The following ANKRD30B variants were observed in gnomAD, a reference collection of about 807,000 sequenced individuals.
ANKRD30B encodes ankyrin repeat domain-containing protein 30B.
ANKRD30B carries 144 observed loss-of-function variants against 202.2 expected under a neutral mutation model. The observed-to-expected ratio is 0.71, with a 90% CI of 0.62 to 0.82. The LOEUF is 0.82. Ranked by LOEUF, ANKRD30B falls within the 40% of genes least tolerant of loss-of-function variation. The pLI is 0.00. For missense variants in ANKRD30B, 1,487 were observed against 1,669.1 expected (o/e 0.89, Z 1.90); for synonymous variants, 508 against 561.3 (o/e 0.91, Z 1.34).
chr18:14,874,398 G>A, the ANKRD30B span, among the ~76,000 whole-genome samples: 4 of 152,236 alleles, frequency 2.6e-5, no homozygotes, highest in East Asian at 1.9e-4. Flanking sequence ...TGAGGCCTTA[G>A]CAATCGCTGG....
At chr18:14,759,105 C>G (rs1914854516) in intron 5 of ANKRD30B, 2 of 152,184 alleles carry the variant, frequency 1.3e-5, no homozygotes, top group Non-Finnish European at 2.9e-5. Flanking sequence ...AGACTTCACT[C>G]TATCTCAAGT....
At chr18:14,861,684 C>T in the ANKRD30B span, among the ~76,000 whole-genome samples, 1 of 150,940 alleles carries the variant, frequency 6.6e-6, no homozygotes, top group Admixed American at 6.6e-5. Flanking sequence ...TGGAGGACTT[C>T]AACACCCCAC....
chr18:14,923,710 G>T, the ANKRD30B span, among the ~76,000 whole-genome samples: 1 of 152,338 alleles, frequency 6.6e-6, no homozygotes, highest in South Asian at 2.1e-4. Context: ...CCAGTGATGT[G>T]CTGGCTTCAG....
chr18:14,755,056 G>A, intron 4 of ANKRD30B, 51 bp downstream of exon 4: 2 of 1,020,734 alleles, frequency 2.0e-6, no homozygotes, highest in Non-Finnish European at 2.7e-6. Context: ...GTGTTCTAGA[G>A]TAATAATGCT....
intron 32 of ANKRD30B, chr18:14,825,203 C>T (rs1970610506): frequency 6.6e-6 from 1 of 152,134 alleles, no homozygotes; most frequent in African/African-American, 2.4e-5. Flanking sequence ...CCATCACGAT[C>T]CTTTTGCATA....
intron 6 of ANKRD30B, among the ~76,000 whole-genome samples, chr18:14,763,356 C>T (rs1915560626): frequency 6.6e-6 from 1 of 152,036 alleles, no homozygotes; most frequent in Non-Finnish European, 1.5e-5. Flanking sequence ...TGAGACTAGC[C>T]TGACTAACAT....
rs1970547769 is a variant in ANKRD30B at position 14,823,661 on chromosome 18, TTCC to T, written c.2743+985_2743+987del. On this transcript the variant is annotated intron_variant, in intron 32 of 43. Coordinates refer to ENST00000690538, the MANE Select transcript of ANKRD30B (RefSeq NM_001367607.2). ...CAGCCTGAATTAGCTTTTGTTGTCA[TTCC>T]CATGCATGTTTAAAATATGTTACAA... 2.0e-5 allele frequency among the ~76,000 whole-genome samples: 3 copies of T among 152,298 alleles called. No homozygotes were observed. In the South Asian group the frequency reaches 6.2e-4, roughly 32 times the overall value.
chr18:14,831,834 A>T (rs1970958824), intron 34 of ANKRD30B, among the ~76,000 whole-genome samples: 2 of 152,182 alleles, frequency 1.3e-5, no homozygotes, highest in Admixed American at 6.5e-5. Flanking sequence ...GACTTTTAAA[A>T]TTATTCTATT....
chr18:14,796,531 A>C, intron 18 of ANKRD30B, 116 bp downstream of exon 18: 1 of 1,258,210 alleles, frequency 7.9e-7, no homozygotes, highest in Non-Finnish European at 1.1e-6. Flanking sequence ...GGAAAATTTG[A>C]AACAAATAAT....
At chr18:14,891,162 TGTGATTGG>T in the ANKRD30B span, among the ~76,000 whole-genome samples, 6 of 152,180 alleles carry the variant, frequency 3.9e-5, no homozygotes, top group African/African-American at 1.4e-4. Flanking sequence ...CAATTATCTG[TGTGATTGG>T]GCCTTCAGAA....
chr18:14,922,260 C>T, the ANKRD30B span, among the ~76,000 whole-genome samples: 1 of 152,070 alleles, frequency 6.6e-6, no homozygotes, highest in South Asian at 2.1e-4. Context: ...TTTACACCAG[C>T]CCTAGCCAGA....
intron 7 of ANKRD30B, among the ~76,000 whole-genome samples, chr18:14,768,710 C>G (rs1410923166): frequency 2.0e-5 from 3 of 152,134 alleles, no homozygotes; most frequent in Non-Finnish European, 4.4e-5. Context: ...GTGTTTCTTT[C>G]TACACATAGA....
intron 16 of ANKRD30B, among the ~76,000 whole-genome samples, chr18:14,792,889 A>T (rs904019157): frequency 6.6e-6 from 1 of 152,108 alleles, no homozygotes; most frequent in Non-Finnish European, 1.5e-5. Context: ...TGATATACCA[A>T]ACCAGACTAA....
At chr18:14,791,691 T>A (rs539420413) in intron 16 of ANKRD30B, among the ~76,000 whole-genome samples, 200 bp downstream of exon 16, 9 of 152,126 alleles carry the variant, frequency 5.9e-5, no homozygotes, top group Admixed American at 5.2e-4. Context: ...AGGAACTGAA[T>A]TATTAGTTTG....
At chr18:14,805,749 T>C in intron 24 of ANKRD30B, among the ~76,000 whole-genome samples, 1 of 150,858 alleles carries the variant, frequency 6.6e-6, no homozygotes, top group Non-Finnish European at 1.5e-5. Context: ...GCATTTATTT[T>C]CTCAGTGTCA....
At chr18:14,866,983 G>A in the ANKRD30B span, among the ~76,000 whole-genome samples, 4 of 148,510 alleles carry the variant, frequency 2.7e-5, no homozygotes, top group South Asian at 4.3e-4. Flanking sequence ...CAGTCCGGGG[G>A]TGCTTTAGGG....
the ANKRD30B span, among the ~76,000 whole-genome samples, chr18:14,922,882 G>A: frequency 0.52 from 78,770 of 151,834 alleles, 20,685 homozygotes; most frequent in African/African-American, 0.58. Flanking sequence ...CTTGACAAGG[G>A]TAGAGGAAAG....
the ANKRD30B span, among the ~76,000 whole-genome samples, chr18:14,874,307 T>G: frequency 4.0e-4 from 61 of 152,252 alleles, no homozygotes; most frequent in African/African-American, 1.4e-3. Flanking sequence ...TCACGTTAAT[T>G]ATTATTATTA....
chr18:14,851,282 C>T (rs371358912), intron 41 of ANKRD30B, among the ~76,000 whole-genome samples: 12 of 142,748 alleles, frequency 8.4e-5, no homozygotes, highest in Non-Finnish European at 1.7e-4. Context: ...ATTCTCTAGT[C>T]GTTTCTCTTT....
Sources: gnomAD v4.1 joint callset for allele counts (sites outside exome capture counted in the v4.1 genomes callset) on GRCh38, gnomAD v4.1.1 for gene constraint, MANE v1.5 for transcripts, NCBI Gene and HGNC (gene_info 2026-07-23, HGNC 2026-07-21) for gene names.